PTPRG: variants seen among roughly 807,000 people sequenced by gnomAD.
The protein encoded by PTPRG is protein tyrosine phosphatase receptor type G.
In PTPRG, 102 loss-of-function variants were observed where a neutral mutation model predicts 165.3. That is an observed-to-expected ratio of 0.62 (90% confidence interval 0.53 to 0.73). The LOEUF (loss-of-function observed/expected upper bound fraction) is 0.73, where lower values mean the gene tolerates loss of function less well. PTPRG is among the 30% of genes least tolerant of loss of function. The pLI is 0.00. For synonymous variants in PTPRG, 675 were observed against 669.5 expected (o/e 1.01, Z -0.13); for missense variants, 1,866 against 1,861.4 (o/e 1.00, Z -0.05).
intron 1 of PTPRG, among the ~76,000 whole-genome samples, chr3:61,571,651 A>T (rs935650536): frequency 1.3e-5 from 2 of 151,348 alleles, no homozygotes; most frequent in Admixed American, 1.3e-4. Context: ...TTTTGACACT[A>T]CTCCTCTTCC....
chr3:62,117,960 A>G (rs956403548), intron 5 of PTPRG, among the ~76,000 whole-genome samples: 3 of 152,192 alleles, frequency 2.0e-5, no homozygotes, highest in African/African-American at 7.2e-5. Flanking sequence ...AGTAATGTTT[A>G]CTGTTCAGTA....
At chr3:61,685,231 G>A (rs936193895) in intron 1 of PTPRG, among the ~76,000 whole-genome samples, 24 of 152,232 alleles carry the variant, frequency 1.6e-4, no homozygotes, top group African/African-American at 5.8e-4. Context: ...TTCAAGACAA[G>A]GAAACTGGCC....
chr3:61,974,409 C>T (rs1463776769), intron 2 of PTPRG, among the ~76,000 whole-genome samples: 10 of 151,842 alleles, frequency 6.6e-5, no homozygotes, highest in African/African-American at 1.5e-4. Context: ...AAAAATCAGC[C>T]GGGCATTATG....
At chr3:62,067,923 G>A (rs187485673) in intron 4 of PTPRG, among the ~76,000 whole-genome samples, 10 of 152,270 alleles carry the variant, frequency 6.6e-5, no homozygotes, top group Non-Finnish European at 1.2e-4. Context: ...ATCACCCCAT[G>A]TTAAGAACAC....
chr3:62,165,510 C>T (rs999507648), intron 7 of PTPRG, among the ~76,000 whole-genome samples: 5 of 152,042 alleles, frequency 3.3e-5, no homozygotes, highest in Admixed American at 1.3e-4. Flanking sequence ...TCTTGCCTTT[C>T]CTTTGCTGTA....
intron 2 of PTPRG, among the ~76,000 whole-genome samples, chr3:61,860,981 A>T (rs533047388): frequency 2.3e-4 from 35 of 152,052 alleles, no homozygotes; most frequent in African/African-American, 7.0e-4. Context: ...TCTGTCCCCA[A>T]CCCGGGCAAC....
intron 2 of PTPRG, among the ~76,000 whole-genome samples, chr3:61,764,442 CTGGTGGAGG>C (rs2033951105): frequency 6.6e-6 from 1 of 152,154 alleles, no homozygotes; most frequent in Admixed American, 6.5e-5. Context: ...CTATTCCTAC[CTGGTGGAGG>C]TGGACAGAGC....
At chr3:62,036,457 C>G (rs1699941556) in intron 4 of PTPRG, among the ~76,000 whole-genome samples, 1 of 152,172 alleles carries the variant, frequency 6.6e-6, no homozygotes, top group East Asian at 1.9e-4. Flanking sequence ...TCCTGCCACT[C>G]CACACTGTAA....
At chr3:61,962,595 C>A (rs534555114) in intron 2 of PTPRG, among the ~76,000 whole-genome samples, 2 of 152,258 alleles carry the variant, frequency 1.3e-5, no homozygotes, top group African/African-American at 4.8e-5. Flanking sequence ...AACAAACACA[C>A]CCTTTGGGAA....
Position 62,203,765 on chromosome 3 carries a change from G to A in PTPRG, c.1970G>A (p.Gly657Asp). 1 of 1,610,448 alleles carries A rather than the reference G, an allele frequency of 6.2e-7. No individual in the cohort carries two copies. Among genetic ancestry groups the A allele is most frequent in the Non-Finnish European group, 8.5e-7 (1 of 1,178,170 alleles). The change falls in exon 12 of 30, where the codon GGC becomes GAC. Residue 657 changes from glycine to aspartate, a missense_variant. Gly to Asp is a moderately conservative substitution (Grantham distance 94, BLOSUM62 -1). This residue lies in a region of PTPRG where 1,452 missense variants were observed against 1,463.0 expected (regional missense o/e 0.99). Transcript: ENST00000474889. This position sits in a 1 kb window ranked among gnomAD's most constrained non-coding sequence, Gnocchi z 6.4. ...ACTGCCGTCCCCACAGACCAGACGG[G>A]CGGAAGGAGGGATGCCGGCCCAGGC... is the stretch of plus-strand genomic sequence containing the variant. ...DHTAVPTDQT[G>D]GRRDAGPGLD...
rs531640035 is a variant in PTPRG at position 62,164,039 on chromosome 3, A to G, written c.841-3932A>G. Among the ~76,000 whole-genome samples, 3 of 152,340 alleles carry G rather than the reference A, an allele frequency of 2.0e-5. No homozygotes were observed. In the South Asian group the frequency reaches 6.2e-4, roughly 32 times the overall value. On this transcript the variant is annotated intron_variant, in intron 7 of 29. Transcript: ENST00000474889. ...TACGTGATCTCATATATATTTTTCA[A>G]GGATCACTGTTTAGCTATTAACCAG...
At chr3:61,737,662 A>G (rs2032769503) in intron 1 of PTPRG, among the ~76,000 whole-genome samples, 1 of 151,544 alleles carries the variant, frequency 6.6e-6, no homozygotes, top group South Asian at 2.1e-4. Context: ...AATGAGGTCC[A>G]CCCCCTTCAT....
intron 1 of PTPRG, among the ~76,000 whole-genome samples, chr3:61,725,015 A>G (rs571985452): frequency 1.3e-4 from 20 of 152,244 alleles, no homozygotes; most frequent in Middle Eastern, 6.8e-3. Context: ...TCTCTGGCCG[A>G]TGCTTTGGTT....
At chr3:61,951,733 G>C (rs1309261205) in intron 2 of PTPRG, among the ~76,000 whole-genome samples, 1 of 152,184 alleles carries the variant, frequency 6.6e-6, no homozygotes, top group Non-Finnish European at 1.5e-5. Context: ...AAAGTACAGA[G>C]AGGCTGTGCT....
intron 1 of PTPRG, among the ~76,000 whole-genome samples, chr3:61,729,540 C>T (rs2365948): frequency 0.28 from 42,457 of 152,086 alleles, 6,786 homozygotes; most frequent in East Asian, 0.75. Flanking sequence ...TCTGCTTTCA[C>T]AGACAAGGGA....
intron 4 of PTPRG, among the ~76,000 whole-genome samples, chr3:62,042,267 C>T (rs1333160688): frequency 6.6e-6 from 1 of 152,152 alleles, no homozygotes; most frequent in Non-Finnish European, 1.5e-5. Flanking sequence ...GTCATAAAGC[C>T]ATGCCCAGCG....
rs114715124 is a variant in PTPRG, at chr3:62,122,126, A to T, written c.616-10476A>T. Among the ~76,000 whole-genome samples the T allele has an allele frequency of 3.5e-3, 528 of 152,310 alleles. 2 individuals are homozygous for T. The highest frequency in any genetic ancestry group is 6.3e-3 in the Non-Finnish European group (428 of 68,028). ...AGATGTTTGTCTACTTAAATAAGCT[A>T]TCTGTAACCCCCCACCCTGAAAAAA... On this transcript the variant is annotated intron_variant, in intron 5 of 29. Coordinates refer to ENST00000474889, the MANE Select transcript of PTPRG (RefSeq NM_002841.4).
rs367674087 is a variant in PTPRG at position 62,294,714 on chromosome 3, T to G, written c.*1407T>G. On this transcript the variant is annotated 3_prime_UTR_variant, in exon 30 of 30. Transcript: ENST00000474889. Reference sequence around the variant, plus strand: ...AAGCTACTTACTGAGATCTGTTTCTTCTATTGCATGTTTGCTTTTGAGGGA... The same window carrying G: ...AAGCTACTTACTGAGATCTGTTTCTGCTATTGCATGTTTGCTTTTGAGGGA... 1 of 152,248 alleles carries G rather than the reference T, an allele frequency of 6.6e-6. No homozygotes were observed. 9.4% of individuals were successfully genotyped at this position (152,248 alleles called of 1,614,324 possible). A position where few individuals can be genotyped will look rare whatever the true frequency, so the allele number is the denominator to read the frequency against.
intron 12 of PTPRG, among the ~76,000 whole-genome samples, chr3:62,206,911 T>TAA: frequency 2.5e-5 from 1 of 40,374 alleles, no homozygotes; most frequent in Non-Finnish European, 4.0e-5. Context: ...AGACTCTGTC[T>TAA]CAAAAAAAAA....
Sources: gnomAD v4.1 joint callset for allele counts (sites outside exome capture counted in the v4.1 genomes callset) on GRCh38, gnomAD v4.1.1 for gene constraint, gnomAD v4.1.1 regional missense constraint, Gnocchi (gnomAD v3.1) non-coding constraint, MANE v1.5 for transcripts, NCBI Gene and HGNC (gene_info 2026-07-23, HGNC 2026-07-21) for gene names.